SGCZ: variants seen among roughly 807,000 people sequenced by gnomAD.
The protein encoded by SGCZ is zeta-sarcoglycan.
Under a neutral mutation model 41.3 loss-of-function variants are expected in SGCZ, and 40 were observed. That is an observed-to-expected ratio of 0.97 (90% CI 0.75 to 1.26). The LOEUF (loss-of-function observed/expected upper bound fraction) is 1.26. Among genes scored for constraint, SGCZ ranks in the 50% most tolerant of loss-of-function variants. SGCZ has a pLI of 0.00. For synonymous variants in SGCZ, 206 were observed against 137.5 expected (o/e 1.50, Z -3.49); for missense variants, 552 against 369.8 (o/e 1.49, Z -4.04).
chr8:15,097,976 C>G (rs1370200105), intron 1 of SGCZ, among the ~76,000 whole-genome samples: 1 of 150,106 alleles, frequency 6.7e-6, no homozygotes, highest in Non-Finnish European at 1.5e-5. Context: ...GGGTATTGCT[C>G]TAGCAAAAGT....
At chr8:14,354,822 C>T (rs972526222) in intron 2 of SGCZ, among the ~76,000 whole-genome samples, 1 of 151,558 alleles carries the variant, frequency 6.6e-6, no homozygotes, top group Non-Finnish European at 1.5e-5. Flanking sequence ...ATTATGAATT[C>T]TTCACACATG....
chr8:14,510,592 G>A (rs10088679), intron 2 of SGCZ, among the ~76,000 whole-genome samples: 2,435 of 152,176 alleles, frequency 0.016, 62 homozygotes, highest in African/African-American at 0.056. Flanking sequence ...CTATGGTTAC[G>A]CCATCATTCA....
chr8:14,506,153 T>A (rs1802298941), intron 2 of SGCZ, among the ~76,000 whole-genome samples: 1 of 151,910 alleles, frequency 6.6e-6, no homozygotes, highest in African/African-American at 2.4e-5. Context: ...CTGGCAAGCA[T>A]GATGAAACCC....
chr8:14,820,259 C>G (rs990649174), intron 1 of SGCZ, among the ~76,000 whole-genome samples: 7 of 151,886 alleles, frequency 4.6e-5, no homozygotes, highest in Admixed American at 1.3e-4. Flanking sequence ...AAGTCAGAGA[C>G]TGAAGAGACA....
intron 2 of SGCZ, among the ~76,000 whole-genome samples, chr8:14,354,665 T>TTAA (rs1803229568): frequency 6.6e-6 from 1 of 151,762 alleles, no homozygotes; most frequent in Non-Finnish European, 1.5e-5. Context: ...GGCATTGTTG[T>TTAA]TAAATACACA....
At chr8:14,918,009 A>G (rs934656599) in intron 1 of SGCZ, among the ~76,000 whole-genome samples, 1 of 152,188 alleles carries the variant, frequency 6.6e-6, no homozygotes, top group African/African-American at 2.4e-5. Flanking sequence ...TGAAAGACAT[A>G]TCTATTTTTA....
chr8:14,614,523 G>A (rs569304715), intron 1 of SGCZ, among the ~76,000 whole-genome samples: 1 of 152,086 alleles, frequency 6.6e-6, no homozygotes, highest in African/African-American at 2.4e-5. Flanking sequence ...TATCTTTCAA[G>A]ATATATCTAT....
chr8:14,513,872 A>C (rs1244415146), intron 2 of SGCZ, among the ~76,000 whole-genome samples: 1 of 151,798 alleles, frequency 6.6e-6, no homozygotes, highest in Non-Finnish European at 1.5e-5. Flanking sequence ...CTCTCTGTGC[A>C]TTTTTTTTGG....
intron 1 of SGCZ, among the ~76,000 whole-genome samples, chr8:14,620,424 C>A (rs552458862): frequency 5.2e-4 from 79 of 152,148 alleles, no homozygotes; most frequent in African/African-American, 1.7e-3. Context: ...GCAACAAAAG[C>A]CAAAATTGAC....
intron 2 of SGCZ, among the ~76,000 whole-genome samples, chr8:14,552,173 C>T (rs1178949528): frequency 6.6e-6 from 1 of 151,974 alleles, no homozygotes; most frequent in African/African-American, 2.4e-5. Context: ...CTAGTAAAAA[C>T]ATAACATTGG....
intron 1 of SGCZ, among the ~76,000 whole-genome samples, chr8:14,941,999 G>A (rs76619931): frequency 0.19 from 29,275 of 151,736 alleles, 3,472 homozygotes; most frequent in East Asian, 0.34. Flanking sequence ...TACTATATTG[G>A]AATTTGGCTA....
At chr8:14,603,587 T>C (rs1031055659) in intron 1 of SGCZ, among the ~76,000 whole-genome samples, 1 of 151,642 alleles carries the variant, frequency 6.6e-6, no homozygotes, top group African/African-American at 2.4e-5. Flanking sequence ...GGTTTTAGGG[T>C]TTTTTTAAAA....
At chr8:15,090,213 C>G (rs925981029) in intron 1 of SGCZ, among the ~76,000 whole-genome samples, 3 of 152,114 alleles carry the variant, frequency 2.0e-5, no homozygotes, top group Non-Finnish European at 4.4e-5. Context: ...TACAATTTTC[C>G]CATTTACTCA....
chr8:14,359,141 T>C (rs1404398703), intron 2 of SGCZ, among the ~76,000 whole-genome samples: 1 of 151,334 alleles, frequency 6.6e-6, no homozygotes, highest in Non-Finnish European at 1.5e-5. Flanking sequence ...AAGAAGACTA[T>C]AGAACAGATT....
rs1024602359 is a variant in SGCZ at position 14,840,788 on chromosome 8, C to A, written c.40-285862G>T. 5.3e-5 allele frequency among the ~76,000 whole-genome samples: 8 copies of A among 151,972 alleles called. No individual in the cohort carries two copies. In the South Asian group the frequency reaches 1.2e-3, roughly 24 times the overall value. The stretch of plus-strand genomic sequence containing the variant: ...GGCATTTGATTAGACAGCATCTACT[C>A]TTTTTAACTTTATGAGACTTTTTAA... On this transcript the variant is annotated intron_variant, in intron 1 of 7. Transcript: ENST00000382080.
At chr8:14,200,380 T>C (rs987296455) in intron 4 of SGCZ, among the ~76,000 whole-genome samples, 6 of 152,230 alleles carry the variant, frequency 3.9e-5, no homozygotes, top group Admixed American at 2.6e-4. Flanking sequence ...TAGTGGAAAA[T>C]TGAATAATCT....
chr8:15,005,497 A>G (rs916467900), intron 1 of SGCZ, among the ~76,000 whole-genome samples: 1 of 151,596 alleles, frequency 6.6e-6, no homozygotes, highest in Non-Finnish European at 1.5e-5. Context: ...ACTCCCAGCT[A>G]ATTTTGTATT....
At chr8:15,172,158 T>TTTTTTTATTTATTTA (rs1345131609) in intron 1 of SGCZ, among the ~76,000 whole-genome samples, 16 of 93,966 alleles carry the variant, frequency 1.7e-4, no homozygotes, top group African/African-American at 4.0e-4. Flanking sequence ...TACTCTGTTT[T>TTTTTTTATTTATTTA]TTTTTTTTTT....
chr8:14,347,343 T>C (rs879467222), intron 2 of SGCZ, among the ~76,000 whole-genome samples: 57 of 152,260 alleles, frequency 3.7e-4, no homozygotes, highest in African/African-American at 1.3e-3. Context: ...TGAATTCTAC[T>C]TCTTAAATTG....
Sources: gnomAD v4.1 joint callset for allele counts (sites outside exome capture counted in the v4.1 genomes callset) on GRCh38, gnomAD v4.1.1 for gene constraint, MANE v1.5 for transcripts, NCBI Gene and HGNC (gene_info 2026-07-23, HGNC 2026-07-21) for gene names.